Variants in LRRC58 observed in about 807,000 individuals in gnomAD.
LRRC58 encodes the protein leucine rich repeat containing 58.
Under a neutral mutation model 30.6 loss-of-function variants are expected in LRRC58, and 18 were observed. The ratio of observed to expected loss-of-function variants is 0.59; its 90% CI spans 0.41 to 0.87. The LOEUF (loss-of-function observed/expected upper bound fraction) is 0.87. LRRC58 is among the 40% of genes least tolerant of loss of function. The pLI is 0.00. For missense variants in LRRC58, 420 were observed against 468.4 expected, an observed-to-expected ratio of 0.90 and a Z score of 0.95; for synonymous variants, 221 against 206.0, an observed-to-expected ratio of 1.07 and a Z score of -0.62.
intron 1 of LRRC58, among the ~76,000 whole-genome samples, chr3:120,342,286 C>T (rs528890333): frequency 1.3e-5 from 2 of 152,304 alleles, no homozygotes; most frequent in African/African-American, 2.4e-5. Flanking sequence ...TGCCTCTCCC[C>T]GCCTGCCCAT....
At chr3:120,336,304 AG>A (rs1191213721) in intron 1 of LRRC58, among the ~76,000 whole-genome samples, 1 of 152,260 alleles carries the variant, frequency 6.6e-6, no homozygotes, top group African/African-American at 2.4e-5. Context: ...TGAATGGAAC[AG>A]GCTTCCCCAA....
chr3:120,333,974 C>T (rs1198523229), intron 3 of LRRC58, among the ~76,000 whole-genome samples: 2 of 152,202 alleles, frequency 1.3e-5, no homozygotes, highest in Non-Finnish European at 2.9e-5. Context: ...TACTCTCCCC[C>T]TCCTTTGATT....
rs763856666 is a variant in LRRC58 at position 120,348,823 on chromosome 3, C to G, written c.421G>C (p.Glu141Gln). Residue 141 changes from glutamate (E) to glutamine (Q), a missense_variant, in exon 1 of 4, where the codon GAG becomes CAG. This residue lies in a region of LRRC58 where 266 missense variants were observed against 251.7 expected (regional missense o/e 1.06). Coordinates refer to ENST00000295628, the MANE Select transcript of LRRC58 (RefSeq NM_001099678.2). ...CFQEVPASLL[E>Q]LRALQTLSLG... is the part of the protein sequence containing the mutation. ...CTCAGGGTCTGCAGCGCGCGCAGCT[C>G]TAAGAGCGAGGCAGGCACCTCCTGG... The G allele has an allele frequency of 4.4e-6, 7 of 1,607,380 alleles. No individual in the cohort carries two copies. Among genetic ancestry groups the G allele is most frequent in the Non-Finnish European group, 5.1e-6 (6 of 1,177,606 alleles).
In LRRC58 at chr3:120,331,286, G is replaced by C; in HGVS notation, c.1030C>G (p.His344Asp). 6.2e-7 allele frequency: 1 copy of C among 1,613,980 alleles called. No homozygotes were observed. The highest frequency in any genetic ancestry group is 8.5e-7 in the Non-Finnish European group (1 of 1,179,862). The change falls in exon 4 of 4, where the codon CAC (histidine) becomes GAC (aspartate). Residue 344 changes from histidine to aspartate, a missense_variant. Around this residue, in one of 2 missense-constraint regions of LRRC58, gnomAD observed 154 missense variants for 216.8 expected, o/e 0.71. Coordinates refer to ENST00000295628, the MANE Select transcript of LRRC58 (RefSeq NM_001099678.2). Reference protein sequence around the residue: ...ECSSPCSSASHSSTSQSESDS... With the variant: ...ECSSPCSSASDSSTSQSESDS... ...GATTCACTCTGGGAAGTGGAGCTGT[G>C]AGAGGCAGAACTGCAAGGGGAAGAA...
At position 120,324,849 on chromosome 3, in the gene LRRC58, C is replaced by G. The variant is rs1014153701; in HGVS notation, c.*6351G>C. On this transcript the variant is annotated 3_prime_UTR_variant, in exon 4 of 4. Transcript: ENST00000295628. ...TGTTGAATCATGTTGCTGAATTACACTTATTTCTACCATTAAGTTTTACTT... is the reference window on the plus strand; with the variant it reads ...TGTTGAATCATGTTGCTGAATTACAGTTATTTCTACCATTAAGTTTTACTT... 1.3e-5 allele frequency: 2 copies of G among 152,090 alleles called. No individual in the cohort carries two copies. The highest frequency in any genetic ancestry group is 4.8e-5 in the African/African-American group (2 of 41,408). The allele number at this position is 152,090 out of a possible 1,614,324, so 9.4% of individuals were successfully genotyped here.
chr3:120,349,135 C>CT lies in LRRC58; in HGVS notation c.108_109insA (p.Glu37ArgfsTer125). On this transcript the variant is annotated frameshift_variant, in exon 1 of 4. Transcript: ENST00000295628. LOFTEE classifies it high-confidence loss of function. ...GCCTCCCGCGCCCCGCGCCGCTCCT[C>CT]CCCCCGCGCCTCCAGCTCAGACTCC... 6.6e-7 allele frequency: 1 copy of CT among 1,504,326 alleles called. No homozygotes were observed. Among genetic ancestry groups the CT allele is most frequent in the African/African-American group, 1.4e-5 (1 of 69,098 alleles). 93.2% of individuals were successfully genotyped at this position (1,504,326 alleles called of 1,614,324 possible). A position where few individuals can be genotyped will look rare whatever the true frequency, so the allele number is the denominator to read the frequency against.
intron 1 of LRRC58, among the ~76,000 whole-genome samples, chr3:120,346,783 T>C (rs1394899113): frequency 1.3e-5 from 2 of 152,206 alleles, no homozygotes; most frequent in African/African-American, 4.8e-5. Flanking sequence ...TCATCTCTCA[T>C]CCTATTACAA....
At chr3:120,346,680 G>C (rs1935972465) in intron 1 of LRRC58, among the ~76,000 whole-genome samples, 1 of 152,078 alleles carries the variant, frequency 6.6e-6, no homozygotes, top group African/African-American at 2.4e-5. Flanking sequence ...AAATTAGAAG[G>C]AACCAAGGGC....
intron 3 of LRRC58, among the ~76,000 whole-genome samples, chr3:120,333,636 T>A (rs550442335): frequency 6.6e-5 from 10 of 152,330 alleles, no homozygotes; most frequent in Non-Finnish European, 1.3e-4. Flanking sequence ...TTATGCAGCA[T>A]TTCCTCAGTA....
chr3:120,343,738 A>G (rs1281731284), intron 1 of LRRC58, among the ~76,000 whole-genome samples: 2 of 152,216 alleles, frequency 1.3e-5, no homozygotes, highest in Admixed American at 6.5e-5. Flanking sequence ...CATCATAAAA[A>G]TATACGTTAA....
At chr3:120,336,851 T>TA (rs10707185) in intron 1 of LRRC58, among the ~76,000 whole-genome samples, 1 of 147,906 alleles carries the variant, frequency 6.8e-6, no homozygotes, top group Non-Finnish European at 1.5e-5. Flanking sequence ...TATTTATATA[T>TA]AAAAAATATA....
chr3:120,340,758 G>A (rs560145819), intron 1 of LRRC58, among the ~76,000 whole-genome samples: 22 of 152,142 alleles, frequency 1.4e-4, no homozygotes, highest in South Asian at 1.2e-3. Flanking sequence ...TTAGCCAGGC[G>A]AGGTGGCAGG....
intron 3 of LRRC58, among the ~76,000 whole-genome samples, chr3:120,333,373 A>G (rs1015260461): frequency 1.3e-5 from 2 of 152,238 alleles, no homozygotes; most frequent in African/African-American, 2.4e-5. Flanking sequence ...ATGCTGCCCT[A>G]TGTGTTTTCC....
At chr3:120,337,932 G>A (rs545102285) in intron 1 of LRRC58, among the ~76,000 whole-genome samples, 1 of 152,042 alleles carries the variant, frequency 6.6e-6, no homozygotes, top group Non-Finnish European at 1.5e-5. Context: ...TCTGCCTCAC[G>A]AGTTAGGTCA....
At chr3:120,343,956 C>T (rs1299121773) in intron 1 of LRRC58, among the ~76,000 whole-genome samples, 2 of 151,964 alleles carry the variant, frequency 1.3e-5, no homozygotes, top group Admixed American at 6.6e-5. Context: ...GGAGAATCAC[C>T]TGAACCTGGG....
intron 1 of LRRC58, among the ~76,000 whole-genome samples, chr3:120,344,292 A>G (rs1935941010): frequency 6.6e-6 from 1 of 152,210 alleles, no homozygotes; most frequent in Admixed American, 6.5e-5. Context: ...ACAGGATTAT[A>G]AGGTACCTAT....
Position 120,327,750 on chromosome 3 carries a change from TTTTGTTTG to T in LRRC58, c.*3442_*3449del, listed in dbSNP as rs58345296. On this transcript the variant is annotated 3_prime_UTR_variant, in exon 4 of 4. Coordinates refer to ENST00000295628, the MANE Select transcript of LRRC58 (RefSeq NM_001099678.2). Reference sequence around the variant, plus strand: ...TACAATGCAAATTTTTTTGTTTGTTTTTTGTTTGTTTGTTTGAGACACAGTCTCACTCT... The same window carrying T: ...TACAATGCAAATTTTTTTGTTTGTTTTTTGTTTGAGACACAGTCTCACTCT... 6.6e-6 allele frequency: 1 copy of T among 151,748 alleles called. No homozygotes were observed. Among genetic ancestry groups the T allele is most frequent in the African/African-American group, 2.4e-5 (1 of 41,162 alleles). 9.4% of individuals were successfully genotyped at this position (151,748 alleles called of 1,614,324 possible).
At position 120,326,656 on chromosome 3, in the gene LRRC58, G is replaced by A. The variant is rs1001546872; in HGVS notation, c.*4544C>T. The A allele has an allele frequency of 1.3e-5, 2 of 152,144 alleles. No individual in the cohort carries two copies. The highest frequency in any genetic ancestry group is 2.4e-5 in the African/African-American group (1 of 41,426). The allele number at this position is 152,144 out of a possible 1,614,324, so 9.4% of individuals were successfully genotyped here. ...AAAAGCTCACTATTTTGGACTAAAT[G>A]GGGAGTAACATTCATAATGACAATA... On this transcript the variant is annotated 3_prime_UTR_variant, in exon 4 of 4. Transcript: ENST00000295628.
intron 1 of LRRC58, among the ~76,000 whole-genome samples, chr3:120,345,216 A>G (rs773216670): frequency 5.3e-5 from 8 of 152,342 alleles, no homozygotes; most frequent in African/African-American, 7.2e-5. Context: ...CAATTAAGCC[A>G]TAAGTATTCA....
Sources: gnomAD v4.1 joint callset for allele counts (sites outside exome capture counted in the v4.1 genomes callset) on GRCh38, gnomAD v4.1.1 for gene constraint, gnomAD v4.1.1 regional missense constraint, MANE v1.5 for transcripts, NCBI Gene and HGNC (gene_info 2026-07-23, HGNC 2026-07-21) for gene names.